Variants in AK8 observed in about 807,000 individuals in gnomAD.
AK8 encodes the protein adenylate kinase 8.
Under a neutral mutation model 54.6 loss-of-function variants are expected in AK8, and 44 were observed. The ratio of observed to expected loss-of-function variants is 0.81; its 90% CI spans 0.63 to 1.04. The LOEUF (loss-of-function observed/expected upper bound fraction) is 1.04, where lower values mean the gene tolerates loss of function less well. Among genes scored for constraint, AK8 ranks in the 50% least tolerant of loss-of-function variants. The pLI is 0.00. For synonymous variants in AK8, 239 were observed against 245.6 expected (o/e 0.97, Z 0.25); for missense variants, 555 against 613.6 (o/e 0.90, Z 1.01).
intron 11 of AK8, among the ~76,000 whole-genome samples, chr9:132,758,647 T>C (rs1838304526): frequency 6.6e-6 from 1 of 151,668 alleles, no homozygotes; most frequent in Admixed American, 6.6e-5. Flanking sequence ...TTAGTAGAGA[T>C]GGTTTTTCGC....
intron 10 of AK8, among the ~76,000 whole-genome samples, chr9:132,795,596 A>G (rs1422591683): frequency 6.6e-6 from 1 of 152,196 alleles, no homozygotes; most frequent in Non-Finnish European, 1.5e-5. Flanking sequence ...AAATAATCCT[A>G]TCCCCACGAT....
chr9:132,812,530 T>TGCCCACTGGGATGGCGGGTGAGCCGCCGC (rs1841083905), intron 10 of AK8, among the ~76,000 whole-genome samples: 1 of 130,644 alleles, frequency 7.7e-6, no homozygotes, highest in Non-Finnish European at 1.7e-5. Flanking sequence ...TGAGCTACCG[T>TGCCCACTGGGATGGCGGGTGAGCCGCCGC]GCCCACTGGG....
At chr9:132,740,991 G>A (rs13294558) in intron 11 of AK8, among the ~76,000 whole-genome samples, 7,942 of 152,170 alleles carry the variant, frequency 0.052, 273 homozygotes, top group East Asian at 0.16. Context: ...CAGGACCCTC[G>A]CTATCATCTG....
chr9:132,850,099 G>T (rs1179534344), intron 5 of AK8, among the ~76,000 whole-genome samples: 1 of 144,172 alleles, frequency 6.9e-6, no homozygotes, highest in Non-Finnish European at 1.5e-5. Context: ...TGTCACCCAG[G>T]CTGGAGTGCA....
chr9:132,798,891 T>TCCTG (rs1840309505), intron 10 of AK8, among the ~76,000 whole-genome samples: 1 of 152,092 alleles, frequency 6.6e-6, no homozygotes, highest in African/African-American at 2.4e-5. Context: ...TGTCCCACCC[T>TCCTG]CCTGTCTCGA....
Position 132,793,082 on chromosome 9 carries a change from A to G in AK8, c.980-307T>C, listed in dbSNP as rs116808092. On this transcript the variant is annotated intron_variant, in intron 10 of 12. Transcript: ENST00000298545. Reference sequence around the variant, plus strand: ...GCAGATTGTCCCCCTGTCTTAGTCCATTTGGGCTGCTATAGCAAAATCCCG... The same window carrying G: ...GCAGATTGTCCCCCTGTCTTAGTCCGTTTGGGCTGCTATAGCAAAATCCCG... Among the ~76,000 whole-genome samples the G allele has an allele frequency of 3.2e-3, 483 of 152,206 alleles. 1 individual carries two copies. The highest frequency in any genetic ancestry group is 0.011 in the African/African-American group (461 of 41,536).
intron 11 of AK8, among the ~76,000 whole-genome samples, chr9:132,763,124 C>A (rs1018702764): frequency 1.3e-5 from 2 of 152,346 alleles, no homozygotes; most frequent in Middle Eastern, 3.4e-3. Flanking sequence ...GGAGGTGACA[C>A]AGTACCCTGC....
intron 11 of AK8, among the ~76,000 whole-genome samples, chr9:132,761,269 CTTT>C (rs534596980): frequency 5.6e-5 from 7 of 125,624 alleles, no homozygotes; most frequent in Non-Finnish European, 8.1e-5. Flanking sequence ...CTTTTCTTTT[CTTT>C]TTTTTTTTTT....
intron 11 of AK8, among the ~76,000 whole-genome samples, chr9:132,735,855 T>C (rs757867176): frequency 6.6e-6 from 1 of 152,266 alleles, no homozygotes; most frequent in African/African-American, 2.4e-5. Flanking sequence ...ATGTGGTCTA[T>C]ACAGTCATGC....
intron 11 of AK8, among the ~76,000 whole-genome samples, chr9:132,730,996 G>T (rs1836818818): frequency 6.6e-6 from 1 of 152,128 alleles, no homozygotes; most frequent in Non-Finnish European, 1.5e-5. Flanking sequence ...AGCCACCTTG[G>T]CCCCCTCGCC....
At chr9:132,849,529 G>A (rs986881528) in intron 5 of AK8, among the ~76,000 whole-genome samples, 2 of 152,152 alleles carry the variant, frequency 1.3e-5, no homozygotes, top group African/African-American at 4.8e-5. Flanking sequence ...TCTGGGCTCT[G>A]GATATCTGCC....
At chr9:132,759,729 T>C (rs767801916) in intron 11 of AK8, among the ~76,000 whole-genome samples, 1 of 152,206 alleles carries the variant, frequency 6.6e-6, no homozygotes, top group Non-Finnish European at 1.5e-5. Context: ...GCCACCCCTG[T>C]CATTATCAAG....
intron 11 of AK8, among the ~76,000 whole-genome samples, chr9:132,753,510 G>T (rs146699033): frequency 2.5e-3 from 374 of 152,372 alleles, no homozygotes; most frequent in Non-Finnish European, 4.5e-3. Context: ...GGCTGGGGCA[G>T]AGAGAGCTCA....
In AK8 at chr9:132,790,566, T is replaced by C. The variant is rs181012398; in HGVS notation, c.1121+2068A>G. On this transcript the variant is annotated intron_variant, in intron 11 of 12. Transcript: ENST00000298545. The surrounding 1 kb of genome is among the most constrained non-coding windows in gnomAD (Gnocchi z 4.1). ...TGCCCGGCCAACTTCTTTAACTTCA[T>C]ACAAATTGTATGCACTTCAAACCAA... 3.2e-3 allele frequency among the ~76,000 whole-genome samples: 484 copies of C among 152,266 alleles called. 1 individual carries two copies. The highest frequency in any genetic ancestry group is 0.011 in the African/African-American group (462 of 41,564).
chr9:132,847,924 C>T (rs1842813352), intron 5 of AK8, among the ~76,000 whole-genome samples: 1 of 151,802 alleles, frequency 6.6e-6, no homozygotes, highest in African/African-American at 2.4e-5. Flanking sequence ...TCAGCCTGGG[C>T]AACATTGGGA....
At position 132,878,017 on chromosome 9, in the gene AK8, G is replaced by C; in HGVS notation, c.84+155C>G. ...CGTCCCCAGCTCGAGGGCCCCCTCGGGGTCACGGCGACACACGAATCGTAC... is the reference window on the plus strand; with the variant it reads ...CGTCCCCAGCTCGAGGGCCCCCTCGCGGTCACGGCGACACACGAATCGTAC... On this transcript the variant is annotated intron_variant, in intron 1 of 12. Coordinates refer to ENST00000298545, the MANE Select transcript of AK8 (RefSeq NM_152572.3). This position sits in a 1 kb window ranked among gnomAD's most constrained non-coding sequence, Gnocchi z 4.7. 2 of 1,526,196 alleles carry C rather than the reference G, an allele frequency of 1.3e-6. No homozygotes were observed. Among genetic ancestry groups the C allele is most frequent in the Non-Finnish European group, 1.8e-6 (2 of 1,129,464 alleles). 94.5% of individuals were successfully genotyped at this position (1,526,196 alleles called of 1,614,324 possible).
chr9:132,860,098 T>C lies in AK8; in HGVS notation c.333+3567A>G, dbSNP rs1245051426. Among the ~76,000 whole-genome samples, 1 of 152,000 alleles carries C rather than the reference T, an allele frequency of 6.6e-6. No individual in the cohort carries two copies. The highest frequency in any genetic ancestry group is 1.5e-5 in the Non-Finnish European group (1 of 68,006). ...CTCAGGGGAGCCAGTCGCCAGCCAA[T>C]GACCTTGGCTGGTGTCCAGGGACAG... On this transcript the variant is annotated intron_variant, in intron 4 of 12. Transcript: ENST00000298545. The surrounding 1 kb of genome is among the most constrained non-coding windows in gnomAD (Gnocchi z 4.4).
At chr9:132,812,530 T>TGCCCACTGGGATGACGGGTGAGCCGCCGC (rs11270703) in intron 10 of AK8, among the ~76,000 whole-genome samples, 33,973 of 129,904 alleles carry the variant, frequency 0.26, 7,088 homozygotes, top group Middle Eastern at 0.3. Context: ...TGAGCTACCG[T>TGCCCACTGGGATGACGGGTGAGCCGCCGC]GCCCACTGGG....
At position 132,823,250 on chromosome 9, in the gene AK8, T is replaced by G. The variant is rs1315161608; in HGVS notation, c.844A>C (p.Ser282Arg). 6.2e-7 allele frequency: 1 copy of G among 1,605,770 alleles called. No individual in the cohort carries two copies. Among genetic ancestry groups the G allele is most frequent in the Non-Finnish European group, 8.5e-7 (1 of 1,176,576 alleles). The change falls in exon 9 of 13, where the codon AGT becomes CGT. Residue 282 changes from serine (S) to arginine (R), a missense_variant. By Grantham distance (110) the Ser-to-Arg change is moderately radical. Coordinates refer to ENST00000298545, the MANE Select transcript of AK8 (RefSeq NM_152572.3). Reference protein sequence around the residue: ...LLLGPVGSGKSLQAALLAQKY... With the variant: ...LLLGPVGSGKRLQAALLAQKY... ...TGGGCCAGGAGGGCGGCCTGCAGAC[T>G]TTTCCCACTGCCCACAGGCCCGAGC...
Sources: gnomAD v4.1 joint callset for allele counts (sites outside exome capture counted in the v4.1 genomes callset) on GRCh38, gnomAD v4.1.1 for gene constraint, Gnocchi (gnomAD v3.1) non-coding constraint, MANE v1.5 for transcripts, NCBI Gene and HGNC (gene_info 2026-07-23, HGNC 2026-07-21) for gene names.